The following CNTNAP2 variants were observed in gnomAD, a reference collection of about 807,000 sequenced individuals.
CNTNAP2 encodes contactin associated protein 2.
A neutral mutation model predicts 155.2 loss-of-function variants in CNTNAP2; 98 were observed. That is an observed-to-expected ratio of 0.63 (90% confidence interval 0.54 to 0.75). The LOEUF is 0.75. Ranked by LOEUF, CNTNAP2 falls within the 30% of genes least tolerant of loss-of-function variation. The pLI, the probability that CNTNAP2 is intolerant of heterozygous loss-of-function variation, is 0.00. For synonymous variants in CNTNAP2, 651 were observed against 631.2 expected, an observed-to-expected ratio of 1.03 and a Z score of -0.47; for missense variants, 1,727 against 1,688.1, an observed-to-expected ratio of 1.02 and a Z score of -0.40.
At chr7:147,148,911 C>T (rs888938785) in intron 8 of CNTNAP2, among the ~76,000 whole-genome samples, 1 of 152,200 alleles carries the variant, frequency 6.6e-6, no homozygotes, top group Non-Finnish European at 1.5e-5. Flanking sequence ...AAGCCGCAGA[C>T]CCTTGTGGTG....
intron 1 of CNTNAP2, among the ~76,000 whole-genome samples, chr7:146,264,701 A>G (rs1281831174): frequency 1.3e-5 from 2 of 152,200 alleles, no homozygotes; most frequent in Non-Finnish European, 2.9e-5. Flanking sequence ...GAAGCGAGGA[A>G]GCGAGAAAAA....
intron 8 of CNTNAP2, among the ~76,000 whole-genome samples, chr7:147,153,796 T>C (rs1336050072): frequency 6.6e-6 from 1 of 152,162 alleles, no homozygotes; most frequent in East Asian, 1.9e-4. Flanking sequence ...TTTCACATTG[T>C]AAAAGGTCAT....
chr7:147,258,253 C>T (rs1161256762), intron 8 of CNTNAP2, among the ~76,000 whole-genome samples: 2 of 152,018 alleles, frequency 1.3e-5, no homozygotes, highest in Non-Finnish European at 2.9e-5. Flanking sequence ...GGTACATATT[C>T]ATAGAGTACA....
chr7:147,866,172 C>T (rs530743159), intron 13 of CNTNAP2, among the ~76,000 whole-genome samples: 3 of 152,138 alleles, frequency 2.0e-5, no homozygotes, highest in Non-Finnish European at 2.9e-5. Flanking sequence ...GCCTTCATTT[C>T]GTCATGTACC....
chr7:147,896,077 T>C (rs1331162951), intron 13 of CNTNAP2, among the ~76,000 whole-genome samples: 2 of 152,224 alleles, frequency 1.3e-5, no homozygotes, highest in Non-Finnish European at 2.9e-5. Flanking sequence ...ACTAAAGTAT[T>C]GTGACTTGAG....
intron 15 of CNTNAP2, among the ~76,000 whole-genome samples, chr7:148,036,544 G>A (rs187569308): frequency 2.0e-5 from 3 of 152,194 alleles, no homozygotes; most frequent in East Asian, 3.9e-4. Context: ...GACACAGCAA[G>A]AAGGCCCTCA....
intron 3 of CNTNAP2, among the ~76,000 whole-genome samples, chr7:146,983,476 G>C (rs1554420298): frequency 6.6e-6 from 1 of 152,130 alleles, no homozygotes; most frequent in Non-Finnish European, 1.5e-5. Context: ...GAAGCAAAAA[G>C]TATTAATGCA....
intron 15 of CNTNAP2, among the ~76,000 whole-genome samples, chr7:148,084,009 C>T (rs1246725353): frequency 6.6e-6 from 1 of 152,160 alleles, no homozygotes; most frequent in East Asian, 1.9e-4. Context: ...ATCACAGATC[C>T]GTCTGTTTCC....
chr7:146,185,362 C>A (rs1313173467), intron 1 of CNTNAP2, among the ~76,000 whole-genome samples: 1 of 152,100 alleles, frequency 6.6e-6, no homozygotes, highest in African/African-American at 2.4e-5. Flanking sequence ...TTTTCCATGG[C>A]TCTTTCATCC....
At chr7:146,750,084 T>C (rs1002549412) in intron 1 of CNTNAP2, among the ~76,000 whole-genome samples, 2 of 152,314 alleles carry the variant, frequency 1.3e-5, no homozygotes, top group South Asian at 4.1e-4. Context: ...AGAATTCATC[T>C]AGTAGCATAG....
intron 16 of CNTNAP2, among the ~76,000 whole-genome samples, chr7:148,137,947 T>C (rs1254217340): frequency 6.6e-6 from 1 of 152,246 alleles, no homozygotes; most frequent in Non-Finnish European, 1.5e-5. Context: ...TGGCACTTTT[T>C]AATTTTCATT....
intron 2 of CNTNAP2, among the ~76,000 whole-genome samples, chr7:146,810,729 C>T (rs190392882): frequency 3.2e-3 from 479 of 151,906 alleles, no homozygotes; most frequent in African/African-American, 0.011. Flanking sequence ...TTAGAGAAAA[C>T]GAATTAAGCT....
chr7:148,238,420 C>G (rs778787077), intron 20 of CNTNAP2, among the ~76,000 whole-genome samples: 2 of 152,212 alleles, frequency 1.3e-5, no homozygotes, highest in Non-Finnish European at 2.9e-5. Flanking sequence ...TAGAACCCAG[C>G]TAACCAGACC....
At position 146,151,658 on chromosome 7, in the gene CNTNAP2, A is replaced by ATG. The variant is rs1554396861; in HGVS notation, c.97+34686_97+34687insGT. On this transcript the variant is annotated intron_variant, in intron 1 of 23. Coordinates refer to ENST00000361727, the MANE Select transcript of CNTNAP2 (RefSeq NM_014141.6). Reference sequence around the variant, plus strand: ...GTGATATATATATATATATATATATATATATATATATATATATATATATGT... The same window carrying ATG: ...GTGATATATATATATATATATATATATGTATATATATATATATATATATATGT... Among the ~76,000 whole-genome samples, 74 of 55,322 alleles carry ATG rather than the reference A, an allele frequency of 1.3e-3. 1 individual carries two copies. The East Asian group carries it at 0.034, about 25-fold the overall frequency. 36.3% of individuals were successfully genotyped at this position (55,322 alleles called of 152,430 possible).
intron 21 of CNTNAP2, among the ~76,000 whole-genome samples, chr7:148,374,933 T>TATTC (rs1267218398): frequency 6.6e-6 from 1 of 152,204 alleles, no homozygotes; most frequent in African/African-American, 2.4e-5. Context: ...GTACATCCAT[T>TATTC]ATTCTGAAAG....
chr7:148,325,951 C>T (rs537097057), intron 21 of CNTNAP2, among the ~76,000 whole-genome samples: 2 of 152,308 alleles, frequency 1.3e-5, no homozygotes, highest in East Asian at 3.9e-4. Context: ...TACTGACTGA[C>T]TGAGCATGCC....
chr7:147,189,015 AT>A (rs1421374474), intron 8 of CNTNAP2, among the ~76,000 whole-genome samples: 1 of 152,182 alleles, frequency 6.6e-6, no homozygotes, highest in Non-Finnish European at 1.5e-5. Flanking sequence ...AGGTGAACTC[AT>A]TTGCACAGAA....
rs544902864 is a variant in CNTNAP2, at chr7:147,566,058, A to T, written c.1897+3801A>T. Among the ~76,000 whole-genome samples the T allele has an allele frequency of 3.3e-5, 5 of 149,902 alleles. No homozygotes were observed. In the East Asian group the frequency reaches 1.0e-3, roughly 30 times the overall value. ...CACTTTGGGAGGCCAAGACAGGTGGATCGCTTGAGCCCAGGAGTTCAAGAC... is the reference window on the plus strand; with the variant it reads ...CACTTTGGGAGGCCAAGACAGGTGGTTCGCTTGAGCCCAGGAGTTCAAGAC... On this transcript the variant is annotated intron_variant, in intron 12 of 23. Coordinates refer to ENST00000361727, the MANE Select transcript of CNTNAP2 (RefSeq NM_014141.6).
chr7:148,338,059 C>G (rs1482414444), intron 21 of CNTNAP2, among the ~76,000 whole-genome samples: 1 of 152,144 alleles, frequency 6.6e-6, no homozygotes, highest in Non-Finnish European at 1.5e-5. Context: ...TCCATTACCC[C>G]CAGATTTCCC....
Sources: allele counts gnomAD v4.1 joint callset (sites outside exome capture counted in the v4.1 genomes callset), GRCh38; gene constraint gnomAD v4.1.1; transcripts MANE v1.5; gene names NCBI Gene and HGNC (gene_info 2026-07-23, HGNC 2026-07-21).